The following GNG7 variants were observed in gnomAD, a reference collection of about 807,000 sequenced individuals.
The protein encoded by GNG7 is guanine nucleotide-binding protein G(I)/G(S)/G(O) subunit gamma-7.
Under a neutral mutation model 4.0 loss-of-function variants are expected in GNG7, and 1 was observed. The observed-to-expected ratio is 0.25, with a 90% CI of 0.09 to 1.18. GNG7 has a LOEUF of 1.18. GNG7 is among the 50% of genes most tolerant of loss of function. The pLI, the probability that GNG7 is intolerant of heterozygous loss-of-function variation, is 0.50. For synonymous variants in GNG7, 34 were observed against 36.9 expected (o/e 0.92, Z 0.29); for missense variants, 86 against 91.9 (o/e 0.94, Z 0.26).
intron 4 of GNG7, among the ~76,000 whole-genome samples, chr19:2,519,208 T>A (rs1978295957): frequency 7.3e-6 from 1 of 136,244 alleles, no homozygotes; most frequent in Non-Finnish European, 1.5e-5. Context: ...TGGAGTGCAA[T>A]GGTGCGATCT....
At chr19:2,552,229 G>C (rs998733110) in intron 3 of GNG7, among the ~76,000 whole-genome samples, 1 of 152,020 alleles carries the variant, frequency 6.6e-6, no homozygotes, top group African/African-American at 2.4e-5. Context: ...CTTGAACCCA[G>C]GAGGCGGAGT....
At position 2,557,316 on chromosome 19, in the gene GNG7, C is replaced by T. The variant is rs1020575723; in HGVS notation, c.-77-2128G>A. On this transcript the variant is annotated intron_variant, in intron 2 of 4. Transcript: ENST00000382159. This position sits in a 1 kb window ranked among gnomAD's most constrained non-coding sequence, Gnocchi z 5.1. ...ACAGAGGTGCACATACACGCACAGA[C>T]ACACATGTGCACACAGACACACACA... Among the ~76,000 whole-genome samples, 4 of 71,348 alleles carry T rather than the reference C, an allele frequency of 5.6e-5. No individual in the cohort carries two copies. The highest frequency in any genetic ancestry group is 2.7e-4 in the African/African-American group (4 of 14,578). The allele number at this position is 71,348 out of a possible 152,430, so 46.8% of individuals were successfully genotyped here.
chr19:2,638,558 G>A (rs1456005698), intron 2 of GNG7, among the ~76,000 whole-genome samples: 1 of 122,120 alleles, frequency 8.2e-6, no homozygotes, highest in East Asian at 2.8e-4. Flanking sequence ...GAAGGGGGAG[G>A]GGAGGGGAAG....
intron 3 of GNG7, among the ~76,000 whole-genome samples, chr19:2,543,057 C>A: frequency 6.6e-6 from 1 of 151,732 alleles, no homozygotes; most frequent in Middle Eastern, 3.4e-3. Flanking sequence ...GGATTACAGG[C>A]ATCCACCACC....
intron 2 of GNG7, among the ~76,000 whole-genome samples, chr19:2,622,408 C>A (rs1464279268): frequency 6.6e-6 from 1 of 152,216 alleles, no homozygotes; most frequent in East Asian, 1.9e-4. Context: ...GCAAAGGGTG[C>A]GGGATAAGCC....
At chr19:2,545,128 T>A (rs191486010) in intron 3 of GNG7, among the ~76,000 whole-genome samples, 5 of 151,740 alleles carry the variant, frequency 3.3e-5, no homozygotes, top group African/African-American at 1.2e-4. Context: ...GAATCCCCTA[T>A]CCCTGGGGGT....
intron 2 of GNG7, among the ~76,000 whole-genome samples, chr19:2,592,670 G>A (rs1268496623): frequency 6.9e-6 from 1 of 144,776 alleles, no homozygotes; most frequent in Non-Finnish European, 1.5e-5. Flanking sequence ...CCAGGAGGTC[G>A]AGGCTCTAGT....
At chr19:2,532,608 A>G (rs1599376564) in intron 3 of GNG7, among the ~76,000 whole-genome samples, 1 of 152,230 alleles carries the variant, frequency 6.6e-6, no homozygotes, top group African/African-American at 2.4e-5. Context: ...AAAGACCTCA[A>G]GCCACAGATT....
rs926128023 is a variant in GNG7, at chr19:2,672,444, C to T, written c.-134-26164G>A. Among the ~76,000 whole-genome samples, 3 of 143,074 alleles carry T rather than the reference C, an allele frequency of 2.1e-5. No homozygotes were observed. The Admixed American group carries it at 2.2e-4, about 10-fold the overall frequency. The allele number at this position is 143,074 out of a possible 152,430, so 93.9% of individuals were successfully genotyped here. On this transcript the variant is annotated intron_variant, in intron 1 of 4. Transcript: ENST00000382159. ...GTGTTGGAATTACAGGTGTGACGCC[C>T]GATTTTTTTTTTTTTCTTTTGAGAC...
Position 2,512,089 on chromosome 19 carries a change from G to A in GNG7, c.*2933C>T. The A allele has an allele frequency of 2.0e-6, 2 of 985,938 alleles. No homozygotes were observed. The highest frequency in any genetic ancestry group is 4.7e-5 in the South Asian group (1 of 21,294). 61.1% of individuals were successfully genotyped at this position (985,938 alleles called of 1,614,324 possible). On this transcript the variant is annotated 3_prime_UTR_variant, in exon 5 of 5. Transcript: ENST00000382159. This position sits in a 1 kb window ranked among gnomAD's most constrained non-coding sequence, Gnocchi z 4.7. ...ACCCGACGCTGCCTTGTGTGTGTGC[G>A]TGGGTGGGGGTGAGTGTCCTTAACT...
At chr19:2,684,985 G>A (rs113054089) in intron 1 of GNG7, among the ~76,000 whole-genome samples, 23 of 152,248 alleles carry the variant, frequency 1.5e-4, no homozygotes, top group Admixed American at 4.6e-4. Flanking sequence ...TTAGACAGGC[G>A]TGGCGGCACA....
intron 2 of GNG7, among the ~76,000 whole-genome samples, chr19:2,559,547 C>T (rs1312988258): frequency 6.6e-6 from 1 of 151,524 alleles, no homozygotes; most frequent in East Asian, 1.9e-4. Flanking sequence ...TGGAGTTTGG[C>T]TCTTGTTGCC....
intron 1 of GNG7, among the ~76,000 whole-genome samples, chr19:2,661,142 C>T (rs1234873847): frequency 5.5e-5 from 8 of 144,646 alleles, no homozygotes; most frequent in Non-Finnish European, 1.1e-4. Context: ...ACCTGGGAGG[C>T]GGAGGTTGCA....
intron 2 of GNG7, chr19:2,610,959 C>G (rs1014309150): frequency 3.0e-4 from 2 of 6,722 alleles, no homozygotes; most frequent in African/African-American, 1.2e-3. Flanking sequence ...GCGGTGGGGA[C>G]GAGGGGGCGG....
At chr19:2,699,009 G>A (rs1425926158) in intron 1 of GNG7, among the ~76,000 whole-genome samples, 1 of 152,140 alleles carries the variant, frequency 6.6e-6, no homozygotes, top group Non-Finnish European at 1.5e-5. Flanking sequence ...GAAGCTTCAC[G>A]TTCCAGGTTA....
intron 2 of GNG7, among the ~76,000 whole-genome samples, chr19:2,616,970 T>A (rs1363450083): frequency 6.6e-6 from 1 of 152,124 alleles, no homozygotes; most frequent in African/African-American, 2.4e-5. Context: ...TGACTGTGAA[T>A]GAAAGTGTCT....
intron 1 of GNG7, among the ~76,000 whole-genome samples, chr19:2,695,489 CA>C (rs772256066): frequency 2.0e-5 from 3 of 152,130 alleles, no homozygotes; most frequent in Non-Finnish European, 4.4e-5. Context: ...AAAATAGGCA[CA>C]CAACGGGCCT....
chr19:2,678,847 C>T (rs1388283355), intron 1 of GNG7, among the ~76,000 whole-genome samples: 4 of 152,112 alleles, frequency 2.6e-5, no homozygotes, highest in Admixed American at 2.6e-4. Context: ...CCAACCCATC[C>T]TCCGTCATGC....
intron 2 of GNG7, among the ~76,000 whole-genome samples, chr19:2,575,802 GACATGCAGAC>G (rs1980309318): frequency 1.8e-5 from 2 of 110,286 alleles, no homozygotes; most frequent in African/African-American, 7.9e-5. Context: ...GGCACACACA[GACATGCAGAC>G]ACACGCAGGC....
Sources: gnomAD v4.1 joint callset for allele counts (sites outside exome capture counted in the v4.1 genomes callset) on GRCh38, gnomAD v4.1.1 for gene constraint, Gnocchi (gnomAD v3.1) non-coding constraint, MANE v1.5 for transcripts, NCBI Gene and HGNC (gene_info 2026-07-23, HGNC 2026-07-21) for gene names.